PARP4: variants seen among roughly 807,000 people sequenced by gnomAD.
The protein encoded by PARP4 is protein mono-ADP-ribosyltransferase PARP4.
PARP4 carries 120 observed loss-of-function variants against 187.7 expected under a neutral mutation model. The observed-to-expected ratio is 0.64, with a 90% confidence interval of 0.55 to 0.74. PARP4 has a LOEUF of 0.74. Among genes scored for constraint, PARP4 ranks in the 30% least tolerant of loss-of-function variants. The probability of loss-of-function intolerance (pLI) is 0.00; values close to 1 mark genes in which losing one functional copy is unlikely to be tolerated. For missense variants in PARP4, 1,836 were observed against 2,070.5 expected (o/e 0.89, Z 2.20); for synonymous variants, 654 against 740.9 (o/e 0.88, Z 1.90).
At chr13:24,433,211 G>A (rs1565987317) in intron 31 of PARP4, among the ~76,000 whole-genome samples, 1 of 152,046 alleles carries the variant, frequency 6.6e-6, no homozygotes, top group Non-Finnish European at 1.5e-5. Flanking sequence ...CTAAACCATC[G>A]CAGCTGTAAA....
intron 11 of PARP4, 44 bp downstream of exon 11, chr13:24,486,124 T>A (rs747253179): frequency 6.4e-7 from 1 of 1,560,908 alleles, no homozygotes; most frequent in Non-Finnish European, 8.7e-7. Context: ...CACTTCACAT[T>A]TGTGAGCCTG....
intron 18 of PARP4, 97 bp downstream of exon 18, chr13:24,459,875 A>G (rs1872112035): frequency 1.1e-6 from 1 of 926,084 alleles, no homozygotes; most frequent in African/African-American, 1.7e-5. Context: ...AGATTATTTT[A>G]CATGTTTTTC....
rs138494326 is a variant in PARP4 at position 24,475,565 on chromosome 13, G to A, written c.1821C>T (p.Ser607=). The A allele has an allele frequency of 5.4e-5, 87 of 1,613,948 alleles. No homozygotes were observed. Among genetic ancestry groups the A allele is most frequent in the Non-Finnish European group, 6.8e-5 (80 of 1,179,924 alleles). ...CATCCTGGAGGCCGGCCTTGGTGCT[G>A]CTGGAAGTTTTGGCATCTGGTAACT... ...DYQLPDAKTS[S]STKAGLQDAS... is the part of the protein sequence containing the mutation. Residue 607 remains serine (S), a synonymous_variant, in exon 15 of 34, where the codon AGC becomes AGT. Transcript: ENST00000381989.
chr13:24,470,191 T>C (rs1444810504), intron 15 of PARP4, among the ~76,000 whole-genome samples, 166 bp from the exon 16 acceptor site: 4 of 152,224 alleles, frequency 2.6e-5, no homozygotes, highest in Non-Finnish European at 5.9e-5. Flanking sequence ...GGAGAGCCCA[T>C]GTCATGTGAT....
intron 15 of PARP4, among the ~76,000 whole-genome samples, chr13:24,473,530 C>G (rs531944178): frequency 6.6e-6 from 1 of 151,626 alleles, no homozygotes; most frequent in African/African-American, 2.4e-5. Flanking sequence ...GAGAAGGAAG[C>G]AGTTCCAGCA....
At chr13:24,458,109 A>AT (rs1209906906) in intron 20 of PARP4, among the ~76,000 whole-genome samples, 15,791 of 139,314 alleles carry the variant, frequency 0.11, 1,028 homozygotes, top group African/African-American at 0.15. Flanking sequence ...TGTCTCTACA[A>AT]TTTTTTTTTT....
At chr13:24,485,821 C>T (rs576706167) in intron 11 of PARP4, among the ~76,000 whole-genome samples, 2 of 152,210 alleles carry the variant, frequency 1.3e-5, no homozygotes, top group East Asian at 3.9e-4. Flanking sequence ...CAATTCATAC[C>T]TATATACTAC....
chr13:24,431,009 C>T (rs557922351), intron 32 of PARP4, among the ~76,000 whole-genome samples: 1 of 152,308 alleles, frequency 6.6e-6, no homozygotes, highest in South Asian at 2.1e-4. Context: ...GGTGGAGCCA[C>T]AGTATGGAAG....
At chr13:24,497,858 G>A (rs1259609065) in intron 6 of PARP4, among the ~76,000 whole-genome samples, 9 of 152,216 alleles carry the variant, frequency 5.9e-5, no homozygotes, top group East Asian at 1.9e-4. Flanking sequence ...ACAGCAAGAA[G>A]GCAGCTGTCT....
chr13:24,436,517 A>G (rs1342652900), intron 30 of PARP4, among the ~76,000 whole-genome samples: 3 of 152,320 alleles, frequency 2.0e-5, no homozygotes, highest in East Asian at 1.9e-4. Flanking sequence ...TATGTTGACC[A>G]GACTGGTTTT....
At chr13:24,479,886 AC>A (rs1016662955) in intron 12 of PARP4, among the ~76,000 whole-genome samples, 3 of 152,082 alleles carry the variant, frequency 2.0e-5, no homozygotes, top group Non-Finnish European at 4.4e-5. Flanking sequence ...TGTAACACTC[AC>A]CACGAAGGTC....
intron 28 of PARP4, among the ~76,000 whole-genome samples, 200 bp downstream of exon 28, chr13:24,443,450 C>T (rs1425824541): frequency 1.3e-5 from 2 of 151,872 alleles, no homozygotes; most frequent in Non-Finnish European, 2.9e-5. Context: ...CACTGACATC[C>T]ATCCTTTTGT....
rs1872134739 is a variant in PARP4 at position 24,460,125 on chromosome 13, A to G, written c.2145T>C (p.Thr715=). Residue 715 remains threonine (T), a synonymous_variant, in exon 18 of 34, where the codon ACT becomes ACC. Coordinates refer to ENST00000381989, the MANE Select transcript of PARP4 (RefSeq NM_006437.4). ...TAGGGGGTAAGTTTCCAACACTTACAGTAAAAACGTCCTGAAACAGAAACA... is the reference window on the plus strand; with the variant it reads ...TAGGGGGTAAGTTTCCAACACTTACGGTAAAAACGTCCTGAAACAGAAACA... ...LMSQDAPDVF[T]VSVGNLPPKA... is the part of the protein sequence containing the mutation. The G allele has an allele frequency of 3.7e-6, 6 of 1,612,274 alleles. No homozygotes were observed. In the East Asian group the frequency reaches 1.1e-4, roughly 30 times the overall value.
intron 12 of PARP4, 78 bp downstream of exon 12, chr13:24,484,575 C>A: frequency 1.1e-6 from 1 of 947,846 alleles, no homozygotes; most frequent in South Asian, 1.3e-5. Flanking sequence ...GGTTGAGAAA[C>A]TCCCTCACCA....
At chr13:24,454,162 G>A (rs1413966009) in intron 22 of PARP4, among the ~76,000 whole-genome samples, 1 of 152,008 alleles carries the variant, frequency 6.6e-6, no homozygotes, top group Non-Finnish European at 1.5e-5. Flanking sequence ...CATTCAAACC[G>A]TGGTGCTTTA....
intron 27 of PARP4, among the ~76,000 whole-genome samples, chr13:24,446,169 G>A (rs1871197876): frequency 6.6e-6 from 1 of 152,120 alleles, no homozygotes; most frequent in Non-Finnish European, 1.5e-5. Context: ...ATTGAGTTAT[G>A]AACATCTTTG....
intron 13 of PARP4, 24 bp downstream of exon 13, chr13:24,478,069 G>C: frequency 6.4e-7 from 1 of 1,556,996 alleles, no homozygotes; most frequent in Non-Finnish European, 8.7e-7. Context: ...GACCCTCTTT[G>C]CTTCTTCCTT....
intron 25 of PARP4, among the ~76,000 whole-genome samples, chr13:24,448,002 T>C (rs1032939461): frequency 1.3e-5 from 2 of 152,162 alleles, no homozygotes; most frequent in Admixed American, 6.5e-5. Flanking sequence ...AGCTTGGGAT[T>C]CGAGACCAGC....
At chr13:24,477,624 T>C (rs1873051665) in intron 14 of PARP4, 77 bp downstream of exon 14, 2 of 820,560 alleles carry the variant, frequency 2.4e-6, no homozygotes, top group South Asian at 1.6e-5. Context: ...AATGCAAATA[T>C]ACATTCCATT....
Sources: allele counts gnomAD v4.1 joint callset (sites outside exome capture counted in the v4.1 genomes callset), GRCh38; gene constraint gnomAD v4.1.1; transcripts MANE v1.5; gene names NCBI Gene and HGNC (gene_info 2026-07-23, HGNC 2026-07-21).